Variants in DTNBP1 observed in about 807,000 individuals in gnomAD.
DTNBP1 encodes the protein dystrobrevin binding protein 1, also known as dysbindin.
A neutral mutation model predicts 42.8 loss-of-function variants in DTNBP1; 35 were observed. The ratio of observed to expected loss-of-function variants is 0.82; its 90% confidence interval spans 0.63 to 1.09. DTNBP1 has a LOEUF of 1.09. DTNBP1 is among the 50% of genes least tolerant of loss of function. The pLI is 0.00. For missense variants in DTNBP1, 457 were observed against 424.2 expected (o/e 1.08, Z -0.68); for synonymous variants, 171 against 162.2 (o/e 1.05, Z -0.41).
Position 15,662,800 on chromosome 6 carries a change from C to T in DTNBP1, c.56+14G>A, listed in dbSNP as rs1421140785. On this transcript the variant is annotated intron_variant, in intron 1 of 9. Transcript: ENST00000344537. ...CCCCCTCAGGTCCCTTTTCGTCGCC[C>T]ACCGTATACCCACCCGGAGGTGAAA... is the stretch of plus-strand genomic sequence containing the variant. 1.2e-6 allele frequency: 2 copies of T among 1,612,052 alleles called. No individual in the cohort carries two copies. Among genetic ancestry groups the T allele is most frequent in the Admixed American group, 1.7e-5 (1 of 59,976 alleles).
intron 6 of DTNBP1, among the ~76,000 whole-genome samples, chr6:15,608,605 T>A (rs1758208331): frequency 6.6e-6 from 1 of 152,214 alleles, no homozygotes; most frequent in South Asian, 2.1e-4. Context: ...CTCTTCCTCC[T>A]CCTGGGTTAC....
intron 7 of DTNBP1, among the ~76,000 whole-genome samples, chr6:15,551,970 A>G (rs956077433): frequency 1.3e-5 from 2 of 152,216 alleles, no homozygotes; most frequent in Non-Finnish European, 2.9e-5. Flanking sequence ...ACAGCTCAGG[A>G]AACAGCAGCA....
intron 6 of DTNBP1, among the ~76,000 whole-genome samples, chr6:15,601,726 A>G (rs747674594): frequency 7.9e-5 from 12 of 151,990 alleles, no homozygotes; most frequent in Non-Finnish European, 1.6e-4. Context: ...CATGCCTGTA[A>G]TTCCAGCTTC....
At chr6:15,543,574 A>G (rs1011826409) in intron 7 of DTNBP1, among the ~76,000 whole-genome samples, 8 of 152,242 alleles carry the variant, frequency 5.3e-5, no homozygotes, top group Non-Finnish European at 1.5e-5. Flanking sequence ...AAGAAGGAGA[A>G]AAATTGTTAA....
chr6:15,541,526 T>G (rs777554989), intron 7 of DTNBP1, among the ~76,000 whole-genome samples: 2 of 152,034 alleles, frequency 1.3e-5, no homozygotes, highest in Non-Finnish European at 2.9e-5. Flanking sequence ...GACTTCAGAT[T>G]AAAAGAAAAA....
At chr6:15,659,755 C>T (rs143390130) in intron 1 of DTNBP1, among the ~76,000 whole-genome samples, 5 of 151,976 alleles carry the variant, frequency 3.3e-5, no homozygotes, top group East Asian at 1.9e-4. Flanking sequence ...GGTTTCACCA[C>T]GTTGGCCAAG....
chr6:15,597,322 G>A (rs976921448), intron 6 of DTNBP1, among the ~76,000 whole-genome samples: 1 of 152,164 alleles, frequency 6.6e-6, no homozygotes, highest in African/African-American at 2.4e-5. Flanking sequence ...AGCAAGGACT[G>A]AGCTGATGCA....
chr6:15,525,838 C>G (rs1314388674), intron 8 of DTNBP1, among the ~76,000 whole-genome samples: 1 of 152,162 alleles, frequency 6.6e-6, no homozygotes, highest in Non-Finnish European at 1.5e-5. Flanking sequence ...GGAGATAACT[C>G]TATTCAAAGA....
chr6:15,593,173 T>C, intron 6 of DTNBP1, 92 bp from the exon 7 acceptor site: 1 of 1,162,978 alleles, frequency 8.6e-7, no homozygotes, highest in Non-Finnish European at 1.2e-6. Context: ...ACTTATGTAC[T>C]TTAAATGCCC....
chr6:15,532,697 CTTTTTTTTTTTTT>C (rs373480713), intron 8 of DTNBP1, among the ~76,000 whole-genome samples: 1 of 93,100 alleles, frequency 1.1e-5, no homozygotes, highest in African/African-American at 4.5e-5. Context: ...TGTTTGTAAT[CTTTTTTTTTTTTT>C]TTTTTTTTTG....
chr6:15,613,307 A>G (rs1485928026), intron 6 of DTNBP1, among the ~76,000 whole-genome samples: 1 of 144,098 alleles, frequency 6.9e-6, no homozygotes, highest in African/African-American at 2.5e-5. Flanking sequence ...CCATCTCAAA[A>G]AAAAAAAAAA....
chr6:15,644,307 C>T (rs12198912), intron 3 of DTNBP1, among the ~76,000 whole-genome samples: 4 of 151,814 alleles, frequency 2.6e-5, no homozygotes, highest in East Asian at 3.9e-4. Flanking sequence ...CTACTAGAAC[C>T]GAAAAAGAGA....
chr6:15,607,287 C>T (rs577699810), intron 6 of DTNBP1, among the ~76,000 whole-genome samples: 5 of 151,640 alleles, frequency 3.3e-5, no homozygotes, highest in African/African-American at 1.2e-4. Context: ...GCATGAGCCA[C>T]TGTGCCCGGC....
chr6:15,608,220 A>C (rs1256839468), intron 6 of DTNBP1, among the ~76,000 whole-genome samples: 2 of 152,032 alleles, frequency 1.3e-5, no homozygotes, highest in Non-Finnish European at 2.9e-5. Flanking sequence ...TCTTTTTTAA[A>C]AACTGTTTCC....
intron 1 of DTNBP1, among the ~76,000 whole-genome samples, chr6:15,655,033 T>C (rs757149329): frequency 6.6e-6 from 1 of 152,230 alleles, no homozygotes; most frequent in Non-Finnish European, 1.5e-5. Flanking sequence ...AAGGCAAACG[T>C]GGCAGTATCT....
intron 3 of DTNBP1, among the ~76,000 whole-genome samples, chr6:15,648,624 T>C (rs1234149071): frequency 6.6e-6 from 1 of 151,722 alleles, no homozygotes; most frequent in East Asian, 1.9e-4. Context: ...AAAAAAGCAA[T>C]TAAGAAAACA....
chr6:15,576,769 TA>T (rs34473285), intron 7 of DTNBP1, among the ~76,000 whole-genome samples: 136 of 99,080 alleles, frequency 1.4e-3, no homozygotes, highest in East Asian at 4.9e-3. Context: ...ACTCTGTCTC[TA>T]AAAAAAAAAA....
intron 3 of DTNBP1, among the ~76,000 whole-genome samples, chr6:15,640,122 G>A (rs530041307): frequency 1.3e-5 from 2 of 152,280 alleles, no homozygotes; most frequent in South Asian, 4.1e-4. Flanking sequence ...ACGACATGAA[G>A]CAGTTTGGAG....
chr6:15,535,689 A>T (rs555591201), intron 7 of DTNBP1, among the ~76,000 whole-genome samples: 191 of 152,148 alleles, frequency 1.3e-3, no homozygotes, highest in Non-Finnish European at 2.4e-3. Context: ...TGGGGTATTG[A>T]TATAAAGATA....
Sources: gnomAD v4.1 joint callset for allele counts (sites outside exome capture counted in the v4.1 genomes callset) on GRCh38, gnomAD v4.1.1 for gene constraint, MANE v1.5 for transcripts, NCBI Gene and HGNC (gene_info 2026-07-23, HGNC 2026-07-21) for gene names.